Variants in RANGAP1 observed in about 807,000 individuals in gnomAD.
RANGAP1 encodes ran GTPase-activating protein 1.
Under a neutral mutation model 63.5 loss-of-function variants are expected in RANGAP1, and 38 were observed. The observed-to-expected ratio is 0.60, with a 90% CI of 0.46 to 0.78. The LOEUF is 0.78. RANGAP1 is among the 30% of genes least tolerant of loss of function. The probability of loss-of-function intolerance (pLI) is 0.00; values close to 1 mark genes in which losing one functional copy is unlikely to be tolerated. For missense variants in RANGAP1, 630 were observed against 740.3 expected, an observed-to-expected ratio of 0.85 and a Z score of 1.73; for synonymous variants, 329 against 310.5, an observed-to-expected ratio of 1.06 and a Z score of -0.63.
intron 3 of RANGAP1, among the ~76,000 whole-genome samples, chr22:41,272,037 G>T (rs979754724): frequency 2.0e-5 from 3 of 152,238 alleles, no homozygotes; most frequent in African/African-American, 7.2e-5. Flanking sequence ...CTCTGAGGAA[G>T]AAGGAAGGGC....
chr22:41,262,333 A>C lies in RANGAP1; in HGVS notation c.481-753T>G, dbSNP rs143137434. ...GTAAATGCGACATAAAAGAATCACGAGCGAGTGCACCGAGAGAAGTGATAT... is the reference window on the plus strand; with the variant it reads ...GTAAATGCGACATAAAAGAATCACGCGCGAGTGCACCGAGAGAAGTGATAT... On this transcript the variant is annotated intron_variant, in intron 5 of 15. Coordinates refer to ENST00000356244, the MANE Select transcript of RANGAP1 (RefSeq NM_002883.4). Among the ~76,000 whole-genome samples the C allele has an allele frequency of 3.9e-5, 6 of 152,272 alleles. No homozygotes were observed. The East Asian group carries it at 1.2e-3, about 29-fold the overall frequency.
At chr22:41,272,703 A>G (rs1200341756) in intron 3 of RANGAP1, among the ~76,000 whole-genome samples, 2 of 151,896 alleles carry the variant, frequency 1.3e-5, no homozygotes, top group Non-Finnish European at 2.9e-5. Flanking sequence ...GTATTTTGAG[A>G]TGGGATTTCA....
intron 5 of RANGAP1, among the ~76,000 whole-genome samples, chr22:41,263,751 G>A (rs558841797): frequency 6.6e-6 from 1 of 152,346 alleles, no homozygotes; most frequent in East Asian, 1.9e-4. Context: ...GGGGAGGGCT[G>A]GCTAAGGCAG....
intron 1 of RANGAP1, 46 bp downstream of exon 1, chr22:41,285,940 C>T (rs2035731355): frequency 6.5e-6 from 1 of 153,580 alleles, no homozygotes; most frequent in African/African-American, 2.4e-5. Flanking sequence ...CCCCGCACCC[C>T]TGTTCCAGGC....
intron 12 of RANGAP1, 77 bp from the exon 13 acceptor site, chr22:41,251,186 G>A (rs1429644516): frequency 1.2e-5 from 14 of 1,166,872 alleles, no homozygotes; most frequent in East Asian, 9.4e-5. Context: ...AGCTAGGAGA[G>A]GCCTGGGCAG....
At position 41,270,638 on chromosome 22, in the gene RANGAP1, G is replaced by C. The variant is rs1472895083; in HGVS notation, c.241-2482C>G. 1.3e-5 allele frequency among the ~76,000 whole-genome samples: 2 copies of C among 152,150 alleles called. 1 individual carries two copies. Among genetic ancestry groups the C allele is most frequent in the African/African-American group, 4.8e-5 (2 of 41,428 alleles). On this transcript the variant is annotated intron_variant, in intron 3 of 15. Coordinates refer to ENST00000356244, the MANE Select transcript of RANGAP1 (RefSeq NM_002883.4). ...AATTTTTGTATCTTTTGTAGAGTTG[G>C]GAATCTCCCTATGTTGTCCAGGCTT...
chr22:41,290,767 A>T (rs1341521445), upstream of RANGAP1, among the ~76,000 whole-genome samples: 3 of 152,214 alleles, frequency 2.0e-5, no homozygotes, highest in African/African-American at 7.2e-5. Context: ...CCAATTGTAA[A>T]TGGAATAAAT....
In RANGAP1 at chr22:41,245,600, TTC is replaced by T. The variant is rs1399080032; in HGVS notation, c.*1001_*1002del. 6.6e-6 allele frequency: 1 copy of T among 151,634 alleles called. No homozygotes were observed. Among genetic ancestry groups the T allele is most frequent in the African/African-American group, 2.4e-5 (1 of 41,220 alleles). 9.4% of individuals were successfully genotyped at this position (151,634 alleles called of 1,614,324 possible). ...AGACTATCCCGCTTTCAGTGAGAGT[TTC>T]TGAGTCTCTGAAGCTGCCACACGAC... On this transcript the variant is annotated 3_prime_UTR_variant, in exon 16 of 16. Coordinates refer to ENST00000356244, the MANE Select transcript of RANGAP1 (RefSeq NM_002883.4).
Position 41,251,297 on chromosome 22 carries a change from T to C in RANGAP1, c.1381-188A>G, listed in dbSNP as rs554399959. 6.6e-5 allele frequency among the ~76,000 whole-genome samples: 10 copies of C among 152,054 alleles called. No homozygotes were observed. In the East Asian group the frequency reaches 1.4e-3, roughly 21 times the overall value. On this transcript the variant is annotated intron_variant, in intron 12 of 15. Coordinates refer to ENST00000356244, the MANE Select transcript of RANGAP1 (RefSeq NM_002883.4). ...GCCTGCAGCAAGCACATATGCAGCA[T>C]AGAGAGGGAATGAATGAGTGAATGA... is the stretch of plus-strand genomic sequence containing the variant.
At chr22:41,275,161 T>C (rs2035060792) in intron 2 of RANGAP1, among the ~76,000 whole-genome samples, 1 of 152,148 alleles carries the variant, frequency 6.6e-6, no homozygotes, top group Non-Finnish European at 1.5e-5. Flanking sequence ...ACTATTTTAT[T>C]TTGATGAAAC....
upstream of RANGAP1, among the ~76,000 whole-genome samples, chr22:41,287,011 G>A (rs1297593504): frequency 6.6e-6 from 1 of 152,190 alleles, no homozygotes; most frequent in African/African-American, 2.4e-5. Context: ...ACATGGTCCT[G>A]GATCGGATCC....
At chr22:41,261,701 G>A (rs139516) in intron 5 of RANGAP1, 121 bp from the exon 6 acceptor site, 511,974 of 1,216,592 alleles carry the variant, frequency 0.42, 111,129 homozygotes, top group Middle Eastern at 0.46. Context: ...GTCAGGGGAC[G>A]CAGGACTGCT....
chr22:41,256,462 G>A (rs965525179), intron 8 of RANGAP1, among the ~76,000 whole-genome samples, 172 bp from the exon 9 acceptor site: 5 of 152,168 alleles, frequency 3.3e-5, no homozygotes, highest in African/African-American at 4.8e-5. Flanking sequence ...TGCAGCCAAC[G>A]ATGAGTCACG....
At chr22:41,254,045 T>C (rs1029442757) in intron 11 of RANGAP1, among the ~76,000 whole-genome samples, 3 of 150,038 alleles carry the variant, frequency 2.0e-5, no homozygotes, top group South Asian at 2.1e-4. Flanking sequence ...GAGGCAGAGG[T>C]TGCAGTGAGC....
chr22:41,280,595 G>T, intron 2 of RANGAP1: 2 of 1,160,946 alleles, frequency 1.7e-6, no homozygotes, highest in Non-Finnish European at 2.3e-6. Flanking sequence ...GGGGTTAAGG[G>T]CAAGGGTGGG....
chr22:41,264,825 G>C lies in RANGAP1; in HGVS notation c.319C>G (p.Leu107Val). 6.2e-7 allele frequency: 1 copy of C among 1,610,596 alleles called. No individual in the cohort carries two copies. Among genetic ancestry groups the C allele is most frequent in the Non-Finnish European group, 8.5e-7 (1 of 1,177,074 alleles). ...ACCAGCTGAGCCCCAGCTGTGATGA[G>C]TCCTTCCCCTAGTGAGATCTGGGCA... ...PPALISLGEG[L>V]ITAGAQLVEL... The change falls in exon 5 of 16, where the codon CTC (leucine) becomes GTC (valine). Residue 107 changes from leucine (L) to valine (V), a missense_variant. Leu to Val is a conservative substitution (Grantham distance 32). This residue lies in a region of RANGAP1 where 137 missense variants were observed against 214.3 expected (regional missense o/e 0.64). Coordinates refer to ENST00000356244, the MANE Select transcript of RANGAP1 (RefSeq NM_002883.4).
At chr22:41,288,161 C>G (rs934653115), upstream of RANGAP1, among the ~76,000 whole-genome samples, 1 of 152,128 alleles carries the variant, frequency 6.6e-6, no homozygotes, top group Non-Finnish European at 1.5e-5. Flanking sequence ...TCTCAAAGTT[C>G]CTGAGATGTG....
intron 8 of RANGAP1, among the ~76,000 whole-genome samples, 196 bp downstream of exon 8, chr22:41,256,515 C>T (rs1201046255): frequency 6.6e-6 from 1 of 152,204 alleles, no homozygotes; most frequent in African/African-American, 2.4e-5. Flanking sequence ...GTACACCACT[C>T]CCTGCCTCCC....
chr22:41,247,180 C>T (rs573306792), intron 15 of RANGAP1, among the ~76,000 whole-genome samples: 73 of 152,186 alleles, frequency 4.8e-4, no homozygotes, highest in Admixed American at 1.2e-3. Context: ...CTCAGCCTCC[C>T]GAGTAGCTGG....
Sources: allele counts gnomAD v4.1 joint callset (sites outside exome capture counted in the v4.1 genomes callset), GRCh38; gene constraint gnomAD v4.1.1; regional missense constraint gnomAD v4.1.1; transcripts MANE v1.5; gene names NCBI Gene and HGNC (gene_info 2026-07-23, HGNC 2026-07-21).